Variants in LPCAT1 observed in about 807,000 individuals in gnomAD.
LPCAT1 encodes the protein lysophosphatidylcholine acyltransferase 1, also known as 1-acylglycerol-3-phosphate O-acyltransferase.
In LPCAT1, 23 loss-of-function variants were observed where a neutral mutation model predicts 60.9. The ratio of observed to expected loss-of-function variants is 0.38; its 90% CI spans 0.27 to 0.53. The LOEUF (loss-of-function observed/expected upper bound fraction) is 0.53, where lower values mean the gene tolerates loss of function less well. LPCAT1 is among the 20% of genes least tolerant of loss of function. LPCAT1 has a pLI of 0.82. For synonymous variants in LPCAT1, 340 were observed against 301.1 expected, an observed-to-expected ratio of 1.13 and a Z score of -1.34; for missense variants, 622 against 723.6, an observed-to-expected ratio of 0.86 and a Z score of 1.61.
chr5:1,473,072 G>C (rs893345037), intron 11 of LPCAT1, among the ~76,000 whole-genome samples: 1 of 151,924 alleles, frequency 6.6e-6, no homozygotes, highest in Admixed American at 6.6e-5. Flanking sequence ...CTGCTCTCTG[G>C]CCAGAGTCCT....
At chr5:1,484,546 A>G (rs1023793257) in intron 5 of LPCAT1, among the ~76,000 whole-genome samples, 3 of 152,132 alleles carry the variant, frequency 2.0e-5, no homozygotes, top group Non-Finnish European at 4.4e-5. Context: ...GAGTGCCACT[A>G]TGTGGTCAGG....
intron 5 of LPCAT1, among the ~76,000 whole-genome samples, chr5:1,486,657 C>G (rs1424645762): frequency 6.6e-6 from 1 of 152,130 alleles, no homozygotes; most frequent in African/African-American, 2.4e-5. Context: ...AGGGCTCCAC[C>G]ACGAGGCGTC....
rs569695144 is a variant in LPCAT1 at position 1,463,735 on chromosome 5, C to T, written c.1521G>A (p.Ala507=). Reference sequence around the variant, plus strand: ...CGGCACAGAAGCCGTTTGGGATTGGCGCAGGTGAGGTCTCTGCACAGCTTT... The same window carrying T: ...CGGCACAGAAGCCGTTTGGGATTGGTGCAGGTGAGGTCTCTGCACAGCTTT... ...HFESCAETSP[A]PIPNGFCADF... Residue 507 remains alanine, a synonymous_variant, in exon 14 of 14, where the codon GCG becomes GCA. Transcript: ENST00000283415. 18 of 1,614,226 alleles carry T rather than the reference C, an allele frequency of 1.1e-5. No individual in the cohort carries two copies. Among genetic ancestry groups the T allele is most frequent in the East Asian group, 2.2e-5 (1 of 44,880 alleles).
chr5:1,505,419 T>A (rs1178811377), intron 1 of LPCAT1, among the ~76,000 whole-genome samples: 4 of 152,218 alleles, frequency 2.6e-5, no homozygotes, highest in Non-Finnish European at 5.9e-5. Flanking sequence ...CCCATGGTGT[T>A]CCTGAAACAG....
At chr5:1,492,586 GA>G (rs1735630777) in intron 3 of LPCAT1, among the ~76,000 whole-genome samples, 1 of 152,224 alleles carries the variant, frequency 6.6e-6, no homozygotes, top group Non-Finnish European at 1.5e-5. Context: ...GATTATCTCT[GA>G]AATGACAAGA....
chr5:1,495,835 A>G lies in LPCAT1; in HGVS notation c.279-921T>C, dbSNP rs1210215960. ...GCCCTGGGACAGATGATCCTCCCAG[A>G]AGACTTCCAGGACAGGGGTCCCCAT... is the stretch of plus-strand genomic sequence containing the variant. On this transcript the variant is annotated intron_variant, in intron 2 of 13. Transcript: ENST00000283415. The surrounding 1 kb of genome is among the most constrained non-coding windows in gnomAD (Gnocchi z 4.7). 2.0e-5 allele frequency among the ~76,000 whole-genome samples: 3 copies of G among 152,222 alleles called. No homozygotes were observed. The highest frequency in any genetic ancestry group is 2.9e-5 in the Non-Finnish European group (2 of 68,030).
chr5:1,470,614 T>G (rs377488843), intron 12 of LPCAT1, among the ~76,000 whole-genome samples: 1 of 152,228 alleles, frequency 6.6e-6, no homozygotes, highest in African/African-American at 2.4e-5. Flanking sequence ...TGCTTTCTGA[T>G]GAGTGTGGAT....
chr5:1,523,120 G>A lies in LPCAT1; in HGVS notation c.135+590C>T, dbSNP rs571665315. On this transcript the variant is annotated intron_variant, in intron 1 of 13. Coordinates refer to ENST00000283415, the MANE Select transcript of LPCAT1 (RefSeq NM_024830.5). The surrounding 1 kb of genome is among the most constrained non-coding windows in gnomAD (Gnocchi z 7.1). ...GGCCGCAGAGCAGGGAGACCCGTGC[G>A]CCTACAGGGGACCCTACAGGGGACC... Among the ~76,000 whole-genome samples, 5 of 152,354 alleles carry A rather than the reference G, an allele frequency of 3.3e-5. No homozygotes were observed. The highest frequency in any genetic ancestry group is 3.4e-3 in the Middle Eastern group (1 of 294).
At position 1,508,490 on chromosome 5, in the gene LPCAT1, C is replaced by T. The variant is rs114538244; in HGVS notation, c.136-6887G>A. On this transcript the variant is annotated intron_variant, in intron 1 of 13. Transcript: ENST00000283415. ...GAGGACACAGACACCCAGGGAGGGA[C>T]GGCCCTGTGAGGACACAGGGTGAAG... Among the ~76,000 whole-genome samples, 555 of 152,162 alleles carry T rather than the reference C, an allele frequency of 3.6e-3. 4 individuals are homozygous for T. Among genetic ancestry groups the T allele is most frequent in the African/African-American group, 0.012 (509 of 41,506 alleles).
chr5:1,518,120 CCCACT>C (rs1736561650), intron 1 of LPCAT1, among the ~76,000 whole-genome samples: 1 of 152,258 alleles, frequency 6.6e-6, no homozygotes, highest in Non-Finnish European at 1.5e-5. Context: ...CTCGAGCCCA[CCCACT>C]CCTGACCCTG....
At chr5:1,472,826 C>T (rs1407993539) in intron 11 of LPCAT1, among the ~76,000 whole-genome samples, 1 of 152,142 alleles carries the variant, frequency 6.6e-6, no homozygotes, top group Non-Finnish European at 1.5e-5. Context: ...GCAGGACTCG[C>T]ATCCGAGACA....
rs981756747 is a variant in LPCAT1 at position 1,521,439 on chromosome 5, G to C, written c.135+2271C>G. 1 of 985,288 alleles carries C rather than the reference G, an allele frequency of 1.0e-6. No individual in the cohort carries two copies. The highest frequency in any genetic ancestry group is 1.2e-6 in the Non-Finnish European group (1 of 829,808). The allele number at this position is 985,288 out of a possible 1,614,324, so 61.0% of individuals were successfully genotyped here. On this transcript the variant is annotated intron_variant, in intron 1 of 13. Transcript: ENST00000283415. This position sits in a 1 kb window ranked among gnomAD's most constrained non-coding sequence, Gnocchi z 4.3. The stretch of plus-strand genomic sequence containing the variant: ...CCCATTTCTTTCTTTGGGGAAGAAG[G>C]CTTTCTTGGCTTGAAAGACAGGCTA...
At chr5:1,465,815 T>C (rs1002689374) in intron 13 of LPCAT1, among the ~76,000 whole-genome samples, 1 of 150,998 alleles carries the variant, frequency 6.6e-6, no homozygotes, top group South Asian at 2.1e-4. Flanking sequence ...AGCACGCACA[T>C]GCGTGCACAC....
intron 3 of LPCAT1, among the ~76,000 whole-genome samples, chr5:1,492,961 G>C (rs536016009): frequency 3.3e-5 from 5 of 152,300 alleles, no homozygotes; most frequent in East Asian, 1.9e-4. Context: ...TTGCCACAGT[G>C]GGGGGGCAAA....
chr5:1,482,650 C>A, intron 6 of LPCAT1, among the ~76,000 whole-genome samples: 1 of 57,354 alleles, frequency 1.7e-5, no homozygotes, highest in South Asian at 7.2e-4. Flanking sequence ...GGGGCAGAGC[C>A]GGGGTGGGCT....
chr5:1,501,671 A>C lies in LPCAT1; in HGVS notation c.136-68T>G, dbSNP rs1736014429. The C allele has an allele frequency of 9.8e-6, 15 of 1,524,622 alleles. No homozygotes were observed. The Admixed American group carries it at 2.4e-4, about 24-fold the overall frequency. 94.4% of individuals were successfully genotyped at this position (1,524,622 alleles called of 1,614,324 possible). On this transcript the variant is annotated intron_variant, in intron 1 of 13. Transcript: ENST00000283415. ...CACCAGGCAGCTCCCCACCCGGCAG[A>C]GGCTAGCCCAGGGGGACAGCGCGCC...
Position 1,501,480 on chromosome 5 carries a change from G to T in LPCAT1, c.259C>A (p.Pro87Thr), listed in dbSNP as rs775402244. 5 of 1,613,124 alleles carry T rather than the reference G, an allele frequency of 3.1e-6. No homozygotes were observed. Among genetic ancestry groups the T allele is most frequent in the Middle Eastern group, 1.7e-4 (1 of 5,754 alleles). Residue 87 changes from proline to threonine, a missense_variant, in exon 2 of 14, where the codon CCC (proline) becomes ACC (threonine). By Grantham distance (38) the Pro-to-Thr change is conservative. Transcript: ENST00000283415. Reference protein sequence around the residue: ...LGSAEKEPEQPPALWRKVVDF... With the variant: ...LGSAEKEPEQTPALWRKVVDF... ...ACTTACTTCCTCCACAGGGCCGGGG[G>T]CTGCTCGGGTTCCTTCTCCGCAGAG...
rs746045931 is a variant in LPCAT1, at chr5:1,488,398, G to A, written c.660C>T (p.Phe220=). 4 of 1,582,406 alleles carry A rather than the reference G, an allele frequency of 2.5e-6. No homozygotes were observed. The highest frequency in any genetic ancestry group is 3.4e-6 in the Non-Finnish European group (4 of 1,164,948). ...TCTNRTCLIT[F]KPGAFIPGAP... ...TTTAAGAAAACTACATACCAGGTTT[G>A]AAGGTAATTAGGCAGGTCCTGTTTG... The change falls in exon 5 of 14, where the codon TTC becomes TTT. Residue 220 remains phenylalanine (F), a synonymous_variant. Transcript: ENST00000283415.
chr5:1,507,075 C>T (rs1736208691), intron 1 of LPCAT1, among the ~76,000 whole-genome samples: 2 of 152,198 alleles, frequency 1.3e-5, no homozygotes, highest in African/African-American at 4.8e-5. Context: ...GAGCAGCCTC[C>T]AGGCAGTGTG....
Sources: allele counts gnomAD v4.1 joint callset (sites outside exome capture counted in the v4.1 genomes callset), GRCh38; gene constraint gnomAD v4.1.1; non-coding constraint Gnocchi (gnomAD v3.1); transcripts MANE v1.5; gene names NCBI Gene and HGNC (gene_info 2026-07-23, HGNC 2026-07-21).